TMEM177: variants seen among roughly 807,000 people sequenced by gnomAD.
TMEM177 encodes transmembrane protein 177.
Under a neutral mutation model 14.2 loss-of-function variants are expected in TMEM177, and 4 were observed. That is an observed-to-expected ratio of 0.28 (90% CI 0.14 to 0.64). TMEM177 has a LOEUF of 0.64. TMEM177 is among the 30% of genes least tolerant of loss of function. The probability of loss-of-function intolerance (pLI) is 0.82; values close to 1 mark genes in which losing one functional copy is unlikely to be tolerated. For missense variants in TMEM177, 344 were observed against 405.2 expected, an observed-to-expected ratio of 0.85 and a Z score of 1.30; for synonymous variants, 179 against 174.5, an observed-to-expected ratio of 1.03 and a Z score of -0.20.
the TMEM177 span, among the ~76,000 whole-genome samples, chr2:119,703,155 C>T: frequency 6.8e-4 from 104 of 152,350 alleles, no homozygotes; most frequent in African/African-American, 2.1e-3. Flanking sequence ...CCTTTGTCAC[C>T]GTTAGACTTT....
chr2:119,722,905 G>A, the TMEM177 span, among the ~76,000 whole-genome samples: 8 of 152,308 alleles, frequency 5.3e-5, no homozygotes, highest in East Asian at 1.5e-3. Flanking sequence ...TTATGCAACT[G>A]TGTGGCCCAT....
chr2:119,694,036 C>T, the TMEM177 span, among the ~76,000 whole-genome samples: 1 of 83,502 alleles, frequency 1.2e-5, no homozygotes, highest in Non-Finnish European at 2.5e-5. Context: ...ACATATGACA[C>T]ATACCACACA....
chr2:119,681,864 C>A lies in TMEM177; in HGVS notation c.*75C>A, dbSNP rs539274547. 7.0e-7 allele frequency: 1 copy of A among 1,431,430 alleles called. No individual in the cohort carries two copies. The highest frequency in any genetic ancestry group is 9.6e-7 in the Non-Finnish European group (1 of 1,045,220). 88.7% of individuals were successfully genotyped at this position (1,431,430 alleles called of 1,614,324 possible). ...TTGAGTCTGGAGGGCCCTGTTGGAG[C>A]CTTTGGACCTATAGCTCACGGCCAG... On this transcript the variant is annotated 3_prime_UTR_variant, in exon 2 of 2. Transcript: ENST00000272521.
the TMEM177 span, among the ~76,000 whole-genome samples, chr2:119,708,757 T>A: frequency 6.6e-6 from 1 of 152,036 alleles, no homozygotes. Context: ...TCCTGTCAGT[T>A]TTGGTCCACA....
At chr2:119,684,031 C>T (rs1688966336), downstream of TMEM177, among the ~76,000 whole-genome samples, 1 of 151,962 alleles carries the variant, frequency 6.6e-6, no homozygotes, top group Non-Finnish European at 1.5e-5. Context: ...TCTCCCAGTT[C>T]TCCCAGCTCC....
chr2:119,704,492 G>C, the TMEM177 span, among the ~76,000 whole-genome samples: 1 of 152,124 alleles, frequency 6.6e-6, no homozygotes, highest in South Asian at 2.1e-4. Context: ...CAGCTACTTG[G>C]GAGGCTGAGG....
chr2:119,703,353 A>AGCCTGTG, the TMEM177 span, among the ~76,000 whole-genome samples: 1 of 152,264 alleles, frequency 6.6e-6, no homozygotes. Flanking sequence ...GAACTCTCCA[A>AGCCTGTG]GCCTGTGGCC....
rs1688916712 is a variant in TMEM177, at chr2:119,681,879, C to T, written c.*90C>T. On this transcript the variant is annotated 3_prime_UTR_variant, in exon 2 of 2. Transcript: ENST00000272521. ...CCTGTTGGAGCCTTTGGACCTATAG[C>T]TCACGGCCAGAAAAATCACTGGCTT... The T allele has an allele frequency of 7.9e-7, 1 of 1,270,274 alleles. No homozygotes were observed. The highest frequency in any genetic ancestry group is 1.5e-5 in the African/African-American group (1 of 66,960). 78.7% of individuals were successfully genotyped at this position (1,270,274 alleles called of 1,614,324 possible).
chr2:119,711,872 A>G, the TMEM177 span, among the ~76,000 whole-genome samples: 2 of 152,302 alleles, frequency 1.3e-5, no homozygotes, highest in Admixed American at 1.3e-4. Context: ...AAGTTACGCC[A>G]GATGACCTGG....
At chr2:119,704,464 A>G in the TMEM177 span, among the ~76,000 whole-genome samples, 2 of 152,084 alleles carry the variant, frequency 1.3e-5, no homozygotes, top group Non-Finnish European at 2.9e-5. Flanking sequence ...TGGGCGTGGT[A>G]GCGCATGGCT....
chr2:119,691,716 T>C, the TMEM177 span, among the ~76,000 whole-genome samples: 4 of 151,930 alleles, frequency 2.6e-5, no homozygotes, highest in African/African-American at 9.7e-5. Flanking sequence ...GCCCCAGAGG[T>C]CCTGACGTGT....
downstream of TMEM177, among the ~76,000 whole-genome samples, chr2:119,684,804 G>A (rs977878238): frequency 1.3e-5 from 2 of 152,184 alleles, no homozygotes; most frequent in South Asian, 2.1e-4. Context: ...GTCACTTCCT[G>A]TAGGGCACAG....
chr2:119,682,030 C>T lies in TMEM177; in HGVS notation c.*241C>T, dbSNP rs11675262. 2.6e-3 allele frequency: 1,293 copies of T among 499,416 alleles called. 7 individuals are homozygous for T. The highest frequency in any genetic ancestry group is 4.1e-3 in the Non-Finnish European group (1,137 of 275,706). The allele number at this position is 499,416 out of a possible 1,614,324, so 30.9% of individuals were successfully genotyped here. A position where few individuals can be genotyped will look rare whatever the true frequency, so the allele number is the denominator to read the frequency against. On this transcript the variant is annotated 3_prime_UTR_variant, in exon 2 of 2. Coordinates refer to ENST00000272521, the MANE Select transcript of TMEM177 (RefSeq NM_030577.3). ...ACTGTAAAGTGGAGATGATGTAAAC[C>T]GCCTTGCAAGATTGTAGAGTTGGGT...
chr2:119,710,703 G>A, the TMEM177 span, among the ~76,000 whole-genome samples: 33,854 of 151,508 alleles, frequency 0.22, 3,886 homozygotes, highest in South Asian at 0.31. Flanking sequence ...TCCACCTCCC[G>A]GGTTCACGCC....
the TMEM177 span, among the ~76,000 whole-genome samples, chr2:119,710,679 G>A: frequency 8.6e-3 from 1,306 of 151,466 alleles, 13 homozygotes; most frequent in African/African-American, 0.028. Flanking sequence ...GCACGATCTC[G>A]GCTCACTGCA....
At chr2:119,722,821 C>T in the TMEM177 span, among the ~76,000 whole-genome samples, 1 of 152,324 alleles carries the variant, frequency 6.6e-6, no homozygotes, top group South Asian at 2.1e-4. Flanking sequence ...TTAACAGATA[C>T]TTATTAAAGG....
At chr2:119,707,858 G>A in the TMEM177 span, among the ~76,000 whole-genome samples, 1 of 152,198 alleles carries the variant, frequency 6.6e-6, no homozygotes, top group Non-Finnish European at 1.5e-5. Context: ...TGGCCAACGG[G>A]GAGCACTAGC....
the TMEM177 span, among the ~76,000 whole-genome samples, chr2:119,715,304 C>T: frequency 6.6e-6 from 1 of 152,154 alleles, no homozygotes; most frequent in Non-Finnish European, 1.5e-5. Flanking sequence ...GGGAGAATTG[C>T]TTGCCCAAGA....
chr2:119,700,450 C>T, the TMEM177 span, among the ~76,000 whole-genome samples: 2 of 152,154 alleles, frequency 1.3e-5, no homozygotes, highest in Non-Finnish European at 1.5e-5. Context: ...AGAGAATGCC[C>T]CATCTCCATA....
Sources: allele counts gnomAD v4.1 joint callset (sites outside exome capture counted in the v4.1 genomes callset), GRCh38; gene constraint gnomAD v4.1.1; transcripts MANE v1.5; gene names NCBI Gene and HGNC (gene_info 2026-07-23, HGNC 2026-07-21).